GRID1: variants seen among roughly 807,000 people sequenced by gnomAD.
GRID1 encodes the protein glutamate ionotropic receptor delta type subunit 1, also known as glutamate receptor ionotropic, delta-1.
In GRID1, 28 loss-of-function variants were observed where a neutral mutation model predicts 98.0. The observed-to-expected ratio is 0.29, with a 90% CI of 0.21 to 0.39. GRID1 has a LOEUF of 0.39. Ranked by LOEUF, GRID1 falls within the 10% of genes least tolerant of loss-of-function variation. The probability of loss-of-function intolerance (pLI) is 1.00; values close to 1 mark genes in which losing one functional copy is unlikely to be tolerated. For synonymous variants in GRID1, 553 were observed against 538.5 expected (o/e 1.03, Z -0.37); for missense variants, 1,111 against 1,340.5 (o/e 0.83, Z 2.67).
intron 8 of GRID1, among the ~76,000 whole-genome samples, chr10:85,775,050 A>G (rs1287137760): frequency 1.3e-5 from 2 of 152,186 alleles, no homozygotes; most frequent in Non-Finnish European, 2.9e-5. Flanking sequence ...GGCACTATTC[A>G]CAATAGCAAA....
At chr10:85,914,630 A>G (rs1841586404) in intron 5 of GRID1, among the ~76,000 whole-genome samples, 1 of 152,216 alleles carries the variant, frequency 6.6e-6, no homozygotes, top group African/African-American at 2.4e-5. Context: ...AGGAAAATCT[A>G]CGAAAAGTGG....
intron 12 of GRID1, among the ~76,000 whole-genome samples, chr10:85,697,303 T>TAA (rs35023300): frequency 0.56 from 84,217 of 151,298 alleles, 23,919 homozygotes; most frequent in Middle Eastern, 0.67. Flanking sequence ...TGCTCCATTT[T>TAA]GTGCATAAAT....
intron 5 of GRID1, among the ~76,000 whole-genome samples, chr10:85,902,065 G>A (rs1242553978): frequency 6.6e-6 from 1 of 152,136 alleles, no homozygotes; most frequent in South Asian, 2.1e-4. Context: ...TGCCATAATA[G>A]ATTTTAAAAA....
intron 10 of GRID1, among the ~76,000 whole-genome samples, chr10:85,727,377 G>T (rs897154499): frequency 1.1e-4 from 17 of 152,196 alleles, no homozygotes; most frequent in Admixed American, 1.0e-3. Context: ...AGTTTCTACG[G>T]GAGGGAAGAA....
chr10:85,604,350 A>T (rs564144708), intron 15 of GRID1, among the ~76,000 whole-genome samples: 1 of 152,318 alleles, frequency 6.6e-6, no homozygotes, highest in East Asian at 1.9e-4. Flanking sequence ...GGCAGGAGGA[A>T]ATCAAGACAG....
chr10:86,136,894 C>T (rs1023202916), intron 4 of GRID1, among the ~76,000 whole-genome samples: 2 of 152,186 alleles, frequency 1.3e-5, no homozygotes, highest in Middle Eastern at 3.2e-3. Context: ...GTACTCTAAA[C>T]CTCAGCATCA....
At chr10:85,781,407 C>T (rs985534559) in intron 8 of GRID1, among the ~76,000 whole-genome samples, 5 of 152,216 alleles carry the variant, frequency 3.3e-5, no homozygotes, top group African/African-American at 1.2e-4. Context: ...ATCCTTTGTT[C>T]CCTGAAATCC....
chr10:85,639,401 G>A (rs1307125628), intron 13 of GRID1, among the ~76,000 whole-genome samples: 1 of 152,160 alleles, frequency 6.6e-6, no homozygotes, highest in East Asian at 1.9e-4. Flanking sequence ...ATCTGCAAGC[G>A]GTTGTCTCTG....
Position 85,981,750 on chromosome 10 carries a change from G to C in GRID1, c.727-65511C>G, listed in dbSNP as rs542477722. Among the ~76,000 whole-genome samples the C allele has an allele frequency of 5.9e-5, 9 of 152,294 alleles. No individual in the cohort carries two copies. The South Asian group carries it at 1.9e-3, about 32-fold the overall frequency. ...TCCAGGCACCTACTATGTGTCGGAT[G>C]CTGTTGCAGGCATGGAGAATAGAGC... On this transcript the variant is annotated intron_variant, in intron 4 of 15. Transcript: ENST00000327946.
At chr10:85,625,228 C>A (rs1564681046) in intron 13 of GRID1, among the ~76,000 whole-genome samples, 1 of 152,178 alleles carries the variant, frequency 6.6e-6, no homozygotes, top group Non-Finnish European at 1.5e-5. Context: ...TTCTATCATG[C>A]ATGACACAGA....
At chr10:86,132,163 G>C (rs117757617) in intron 4 of GRID1, among the ~76,000 whole-genome samples, 2 of 152,094 alleles carry the variant, frequency 1.3e-5, no homozygotes, top group Non-Finnish European at 2.9e-5. Context: ...GGCTGACACC[G>C]GGACAGAGCT....
intron 4 of GRID1, among the ~76,000 whole-genome samples, chr10:86,085,365 C>G (rs1278821689): frequency 2.6e-5 from 4 of 152,134 alleles, no homozygotes; most frequent in Admixed American, 2.6e-4. Flanking sequence ...CGCAGGCACC[C>G]AAGGGCAAGA....
At chr10:85,803,662 A>T (rs1353134099) in intron 8 of GRID1, among the ~76,000 whole-genome samples, 1 of 152,066 alleles carries the variant, frequency 6.6e-6, no homozygotes, top group Non-Finnish European at 1.5e-5. Flanking sequence ...AATTGGTCAA[A>T]AAACTGTAAT....
At chr10:86,062,371 C>G (rs1041214628) in intron 4 of GRID1, among the ~76,000 whole-genome samples, 2 of 152,136 alleles carry the variant, frequency 1.3e-5, no homozygotes, top group African/African-American at 2.4e-5. Flanking sequence ...ACTCACCCCC[C>G]AGAGCACCCG....
At chr10:85,859,321 A>ATGGATGGATG (rs879598348) in intron 6 of GRID1, among the ~76,000 whole-genome samples, 46 of 151,916 alleles carry the variant, frequency 3.0e-4, no homozygotes, top group Non-Finnish European at 4.7e-4. Flanking sequence ...AGGTAAATGG[A>ATGGATGGATG]TGGATGGATG....
At chr10:86,048,891 G>A (rs1843462206) in intron 4 of GRID1, among the ~76,000 whole-genome samples, 1 of 152,208 alleles carries the variant, frequency 6.6e-6, no homozygotes, top group Admixed American at 6.5e-5. Flanking sequence ...CCTTTCTGAA[G>A]CTCAGTCCCT....
chr10:86,281,645 C>A (rs1255273701), intron 2 of GRID1, among the ~76,000 whole-genome samples: 2 of 152,182 alleles, frequency 1.3e-5, no homozygotes, highest in Non-Finnish European at 2.9e-5. Context: ...GTGCTCTGGG[C>A]TCCTGTTGCC....
chr10:85,996,744 G>A (rs1842742593), intron 4 of GRID1, among the ~76,000 whole-genome samples: 1 of 151,352 alleles, frequency 6.6e-6, no homozygotes, highest in African/African-American at 2.4e-5. Flanking sequence ...CAGGAGAATC[G>A]CTTGAACCCA....
At chr10:85,950,180 G>C (rs1842102119) in intron 4 of GRID1, among the ~76,000 whole-genome samples, 1 of 152,162 alleles carries the variant, frequency 6.6e-6, no homozygotes, top group Non-Finnish European at 1.5e-5. Flanking sequence ...GTGGCAATGG[G>C]AGGTTTACAT....
Sources: gnomAD v4.1 joint callset for allele counts (sites outside exome capture counted in the v4.1 genomes callset) on GRCh38, gnomAD v4.1.1 for gene constraint, MANE v1.5 for transcripts, NCBI Gene and HGNC (gene_info 2026-07-23, HGNC 2026-07-21) for gene names.